Variants in UNC79 observed in about 807,000 individuals in gnomAD.
The protein encoded by UNC79 is unc-79 subunit of NALCN channel complex.
UNC79 carries 37 observed loss-of-function variants against 283.1 expected under a neutral mutation model. That is an observed-to-expected ratio of 0.13 (90% CI 0.10 to 0.17). The LOEUF (loss-of-function observed/expected upper bound fraction) is 0.17. UNC79 is among the 10% of genes least tolerant of loss of function. The pLI is 1.00. For missense variants in UNC79, 2,272 were observed against 3,211.1 expected (o/e 0.71, Z 7.07); for synonymous variants, 1,107 against 1,200.2 (o/e 0.92, Z 1.61).
intron 5 of UNC79, among the ~76,000 whole-genome samples, chr14:93,493,195 G>A (rs1037934340): frequency 4.6e-5 from 7 of 152,078 alleles, no homozygotes; most frequent in Admixed American, 2.6e-4. Context: ...TACAAGGGGG[G>A]GCGGTTCAGG....
chr14:93,699,551 T>A (rs915732984), intron 47 of UNC79, among the ~76,000 whole-genome samples: 6 of 152,184 alleles, frequency 3.9e-5, no homozygotes, highest in East Asian at 1.9e-4. Flanking sequence ...GTGTGTTTTT[T>A]AATTATCTTT....
At chr14:93,395,682 G>T (rs1390263928) in intron 1 of UNC79, among the ~76,000 whole-genome samples, 1 of 152,100 alleles carries the variant, frequency 6.6e-6, no homozygotes, top group Admixed American at 6.6e-5. Flanking sequence ...TGTTTTTTTT[G>T]TTTGTTTTTT....
At chr14:93,402,864 A>G (rs2055139091) in intron 1 of UNC79, among the ~76,000 whole-genome samples, 1 of 152,124 alleles carries the variant, frequency 6.6e-6, no homozygotes, top group South Asian at 2.1e-4. Flanking sequence ...TGTTTTGCCA[A>G]GGTTAAGGAC....
intron 16 of UNC79, among the ~76,000 whole-genome samples, chr14:93,574,411 A>G (rs2063361980): frequency 6.6e-6 from 1 of 152,208 alleles, no homozygotes; most frequent in Admixed American, 6.5e-5. Context: ...AGGCACTGAA[A>G]TAGGCACTGG....
chr14:93,486,771 T>C (rs938661416), intron 4 of UNC79, among the ~76,000 whole-genome samples: 1 of 151,956 alleles, frequency 6.6e-6, no homozygotes, highest in Non-Finnish European at 1.5e-5. Context: ...GGATACACTC[T>C]CTTAAACATG....
chr14:93,615,835 AC>A (rs2066684998), intron 27 of UNC79, among the ~76,000 whole-genome samples: 1 of 151,854 alleles, frequency 6.6e-6, no homozygotes, highest in Non-Finnish European at 1.5e-5. Flanking sequence ...ACTCCAGAAA[AC>A]CCGTGTCAAA....
chr14:93,397,007 A>G (rs1425314274), intron 1 of UNC79: 1 of 152,100 alleles, frequency 6.6e-6, no homozygotes, highest in Admixed American at 6.6e-5. Context: ...ATATTTCAAA[A>G]CATTTCAAAA....
chr14:93,399,060 C>T (rs2055052707), intron 1 of UNC79, among the ~76,000 whole-genome samples: 1 of 152,166 alleles, frequency 6.6e-6, no homozygotes, highest in African/African-American at 2.4e-5. Flanking sequence ...CAAACACCTT[C>T]TTCACAAGGT....
intron 34 of UNC79, among the ~76,000 whole-genome samples, chr14:93,646,040 T>C (rs768173180): frequency 1.3e-5 from 2 of 152,204 alleles, no homozygotes; most frequent in Non-Finnish European, 2.9e-5. Context: ...TGATAACATA[T>C]AGAATATTTC....
intron 1 of UNC79, among the ~76,000 whole-genome samples, chr14:93,380,873 C>A (rs1016871628): frequency 3.9e-5 from 6 of 152,120 alleles, no homozygotes; most frequent in Admixed American, 3.3e-4. Context: ...CTGAAAATAG[C>A]ATACAAATGT....
chr14:93,613,323 T>TGTGA (rs1055241438), intron 27 of UNC79, among the ~76,000 whole-genome samples: 2 of 149,108 alleles, frequency 1.3e-5, no homozygotes, highest in African/African-American at 5.0e-5. Context: ...TGTGTGTGTG[T>TGTGA]GAGAGAGAGA....
chr14:93,620,337 G>A (rs774395865), intron 29 of UNC79, among the ~76,000 whole-genome samples: 6 of 152,222 alleles, frequency 3.9e-5, no homozygotes, highest in South Asian at 2.1e-4. Flanking sequence ...TGTGTGTTGC[G>A]TGTCTCATTA....
At chr14:93,628,422 C>T (rs1038142674) in intron 30 of UNC79, among the ~76,000 whole-genome samples, 1 of 152,220 alleles carries the variant, frequency 6.6e-6, no homozygotes, top group Non-Finnish European at 1.5e-5. Flanking sequence ...AGGTTCTCTG[C>T]GATGCCCTAC....
At chr14:93,650,139 C>CT (rs1026551019) in intron 35 of UNC79, among the ~76,000 whole-genome samples, 71 of 152,224 alleles carry the variant, frequency 4.7e-4, no homozygotes, top group African/African-American at 1.6e-3. Context: ...CATGTTGCTG[C>CT]TTTTTTATCA....
At chr14:93,535,632 C>A (rs201672136) in intron 11 of UNC79, among the ~76,000 whole-genome samples, 2 of 152,048 alleles carry the variant, frequency 1.3e-5, no homozygotes, top group East Asian at 3.9e-4. Context: ...CTAGATCATA[C>A]GTTTGGGCTC....
chr14:93,347,388 T>A (rs757898633), intron 1 of UNC79: 2 of 1,535,628 alleles, frequency 1.3e-6, no homozygotes, highest in Admixed American at 4.1e-5. Context: ...GGCCCCTGTC[T>A]GCCGCGGTGA....
At chr14:93,389,520 G>A (rs1016802558) in intron 1 of UNC79, among the ~76,000 whole-genome samples, 5 of 152,108 alleles carry the variant, frequency 3.3e-5, no homozygotes, top group African/African-American at 1.2e-4. Flanking sequence ...TTGCTGAATT[G>A]AGGAGACAGA....
At chr14:93,535,302 G>T (rs76399167) in intron 11 of UNC79, among the ~76,000 whole-genome samples, 1,696 of 152,276 alleles carry the variant, frequency 0.011, 32 homozygotes, top group African/African-American at 0.039. Context: ...CAATTATTTA[G>T]AACTTCGATC....
At chr14:93,457,737 C>T (rs956619663) in intron 1 of UNC79, among the ~76,000 whole-genome samples, 2 of 152,070 alleles carry the variant, frequency 1.3e-5, no homozygotes, top group East Asian at 1.9e-4. Context: ...GAAAAAGGAT[C>T]GAAAGGGAAT....
Sources: gnomAD v4.1 joint callset for allele counts (sites outside exome capture counted in the v4.1 genomes callset) on GRCh38, gnomAD v4.1.1 for gene constraint, MANE v1.5 for transcripts, NCBI Gene and HGNC (gene_info 2026-07-23, HGNC 2026-07-21) for gene names.